Variants in SBNO1 observed in about 807,000 individuals in gnomAD.
SBNO1 encodes the protein protein strawberry notch homolog 1.
Under a neutral mutation model 173.6 loss-of-function variants are expected in SBNO1, and 23 were observed. That is an observed-to-expected ratio of 0.13 (90% confidence interval 0.10 to 0.19). SBNO1 has a LOEUF of 0.19. SBNO1 is among the 10% of genes least tolerant of loss of function. The pLI, the probability that SBNO1 is intolerant of heterozygous loss-of-function variation, is 1.00. For missense variants in SBNO1, 1,238 were observed against 1,671.2 expected (o/e 0.74, Z 4.52); for synonymous variants, 632 against 571.5 (o/e 1.11, Z -1.51).
At chr12:123,353,888 T>G (rs1451562448) in intron 1 of SBNO1, among the ~76,000 whole-genome samples, 1 of 152,210 alleles carries the variant, frequency 6.6e-6, no homozygotes, top group Non-Finnish European at 1.5e-5. Context: ...AGAAGTACAT[T>G]GTTTTAATCC....
intron 11 of SBNO1, 37 bp downstream of exon 11, chr12:123,327,855 A>C: frequency 6.3e-7 from 1 of 1,590,300 alleles, no homozygotes; most frequent in Middle Eastern, 1.7e-4. Context: ...TGAAAAAATA[A>C]CCTACAATAT....
chr12:123,345,624 G>A (rs1436538217), intron 3 of SBNO1, 54 bp from the exon 4 acceptor site: 3 of 1,440,276 alleles, frequency 2.1e-6, no homozygotes, highest in African/African-American at 1.4e-5. Context: ...CTCTAATGAA[G>A]CTTATATCCA....
Position 123,364,806 on chromosome 12 carries a change from G to T in SBNO1, c.-106C>A, listed in dbSNP as rs1474111401. The T allele has an allele frequency of 2.4e-5, 24 of 985,692 alleles. No individual in the cohort carries two copies. In the East Asian group the frequency reaches 9.0e-4, roughly 37 times the overall value. The allele number at this position is 985,692 out of a possible 1,614,324, so 61.1% of individuals were successfully genotyped here. Reference sequence around the variant, plus strand: ...CGGCGGTGGCGGCGGCAGCAGCGGCGTCCTGCTCTGCCTACCTCCCCGCCG... The same window carrying T: ...CGGCGGTGGCGGCGGCAGCAGCGGCTTCCTGCTCTGCCTACCTCCCCGCCG... On this transcript the variant is annotated 5_prime_UTR_variant, in exon 1 of 32. Transcript: ENST00000602398.
intron 16 of SBNO1, 104 bp from the exon 17 acceptor site, chr12:123,321,836 G>A (rs956993275): frequency 3.1e-6 from 3 of 953,568 alleles, no homozygotes; most frequent in South Asian, 1.5e-5. Context: ...AAGTGCAGAG[G>A]AAAAGTATTT....
Position 123,353,318 on chromosome 12 carries a change from A to G in SBNO1, c.1-2877T>C, listed in dbSNP as rs1277654778. 1.8e-4 allele frequency among the ~76,000 whole-genome samples: 27 copies of G among 152,232 alleles called. 1 individual carries two copies. The highest frequency in any genetic ancestry group is 1.8e-3 in the Admixed American group (27 of 15,282). On this transcript the variant is annotated intron_variant, in intron 1 of 31. Coordinates refer to ENST00000602398, the MANE Select transcript of SBNO1 (RefSeq NM_001167856.3). ...GTCAGAAAACTTAAATCATCTACCG[A>G]AGTTCACTCACGCAGGAAGTGGTAG...
chr12:123,331,483 T>C, intron 7 of SBNO1, 108 bp from the exon 8 acceptor site: 1 of 1,012,656 alleles, frequency 9.9e-7, no homozygotes, highest in Admixed American at 2.7e-5. Context: ...TTGTTTTGTA[T>C]ATGTATTTTG....
intron 4 of SBNO1, among the ~76,000 whole-genome samples, chr12:123,343,951 T>C (rs1180587036): frequency 6.6e-5 from 10 of 152,178 alleles, no homozygotes; most frequent in Non-Finnish European, 1.3e-4. Context: ...ATCACTACCT[T>C]AAATGTGGGA....
chr12:123,343,160 G>A (rs1315711194), intron 4 of SBNO1, among the ~76,000 whole-genome samples: 1 of 152,168 alleles, frequency 6.6e-6, no homozygotes, highest in Non-Finnish European at 1.5e-5. Flanking sequence ...TTGAATTCAA[G>A]TGGCAGGGGT....
At chr12:123,301,497 G>C (rs937823155) in intron 30 of SBNO1, among the ~76,000 whole-genome samples, 1 of 152,128 alleles carries the variant, frequency 6.6e-6, no homozygotes, top group Non-Finnish European at 1.5e-5. Context: ...TCCTTTTCAT[G>C]AAGTGGGCCA....
At chr12:123,298,388 TC>T (rs2048674295) in intron 30 of SBNO1, among the ~76,000 whole-genome samples, 1 of 152,154 alleles carries the variant, frequency 6.6e-6, no homozygotes, top group African/African-American at 2.4e-5. Context: ...TGCCTCAGCC[TC>T]CCGAGTAACT....
chr12:123,297,329 CAA>C (rs11427958), intron 31 of SBNO1, among the ~76,000 whole-genome samples: 4,690 of 31,568 alleles, frequency 0.15, 179 homozygotes, highest in African/African-American at 0.26. Flanking sequence ...GACTCAGTCT[CAA>C]AAAAAAAAAA....
At chr12:123,314,662 G>A (rs1293605817) in intron 23 of SBNO1, among the ~76,000 whole-genome samples, 1 of 151,620 alleles carries the variant, frequency 6.6e-6, no homozygotes, top group African/African-American at 2.4e-5. Flanking sequence ...TTTTGAGACA[G>A]AGTCTTGCCC....
intron 24 of SBNO1, among the ~76,000 whole-genome samples, chr12:123,313,242 AAATAAAT>A (rs1868828527): frequency 6.9e-6 from 1 of 145,492 alleles, no homozygotes; most frequent in Non-Finnish European, 1.5e-5. Context: ...ATAAATAAAT[AAATAAAT>A]AAATAATTTT....
chr12:123,322,298 A>AT (rs772287795), intron 16 of SBNO1, among the ~76,000 whole-genome samples: 83 of 144,974 alleles, frequency 5.7e-4, no homozygotes, highest in Middle Eastern at 7.0e-3. Flanking sequence ...ATGACCAGAT[A>AT]TTTTTTTTTT....
At chr12:123,320,640 A>G in intron 18 of SBNO1, 33 bp from the exon 19 acceptor site, 1 of 1,600,604 alleles carries the variant, frequency 6.2e-7, no homozygotes, top group Non-Finnish European at 8.5e-7. Context: ...AAGTTAGTAC[A>G]AAGTTTAAAT....
intron 29 of SBNO1, 88 bp from the exon 30 acceptor site, chr12:123,302,988 A>C: frequency 2.1e-6 from 2 of 939,102 alleles, no homozygotes; most frequent in Non-Finnish European, 1.7e-6. Context: ...AGAGGTAGCC[A>C]ATTTAAAATA....
At chr12:123,328,921 G>C (rs749823714) in intron 9 of SBNO1, 26 bp from the exon 10 acceptor site, 3 of 1,371,114 alleles carry the variant, frequency 2.2e-6, no homozygotes, top group Non-Finnish European at 3.0e-6. Flanking sequence ...AAAGAATTTA[G>C]TTAATTAGTA....
chr12:123,327,359 G>T, intron 13 of SBNO1, 67 bp downstream of exon 13: 1 of 1,391,184 alleles, frequency 7.2e-7, no homozygotes, highest in Non-Finnish European at 1.0e-6. Flanking sequence ...CATCGCAATC[G>T]CCAAAACTAA....
chr12:123,318,697 C>G (rs1869588840), intron 20 of SBNO1, among the ~76,000 whole-genome samples: 1 of 147,410 alleles, frequency 6.8e-6, no homozygotes, highest in Admixed American at 6.9e-5. Flanking sequence ...CATGCCACTG[C>G]ACTGCACTCC....
Sources: gnomAD v4.1 joint callset for allele counts (sites outside exome capture counted in the v4.1 genomes callset) on GRCh38, gnomAD v4.1.1 for gene constraint, MANE v1.5 for transcripts, NCBI Gene and HGNC (gene_info 2026-07-23, HGNC 2026-07-21) for gene names.